SLC24A2: variants seen among roughly 807,000 people sequenced by gnomAD.
The protein encoded by SLC24A2 is sodium/potassium/calcium exchanger 2.
SLC24A2 carries 36 observed loss-of-function variants against 62.0 expected under a neutral mutation model. That is an observed-to-expected ratio of 0.58 (90% confidence interval 0.44 to 0.77). The LOEUF (loss-of-function observed/expected upper bound fraction) is 0.77. Ranked by LOEUF, SLC24A2 falls within the 30% of genes least tolerant of loss-of-function variation. The probability of loss-of-function intolerance (pLI) is 0.00; values close to 1 mark genes in which losing one functional copy is unlikely to be tolerated. For synonymous variants in SLC24A2, 358 were observed against 294.0 expected (o/e 1.22, Z -2.23); for missense variants, 846 against 817.9 (o/e 1.03, Z -0.42).
the SLC24A2 span, among the ~76,000 whole-genome samples, chr9:20,158,172 A>C: frequency 2.0e-5 from 3 of 151,700 alleles, no homozygotes; most frequent in Admixed American, 6.6e-5. Context: ...GCCTGAACTC[A>C]GGAAAGAAAC....
chr9:20,040,770 G>C, the SLC24A2 span, among the ~76,000 whole-genome samples: 1 of 152,176 alleles, frequency 6.6e-6, no homozygotes, highest in African/African-American at 2.4e-5. Flanking sequence ...AGCTAACCCA[G>C]GGAAGGGAAA....
chr9:20,097,633 T>A, the SLC24A2 span, among the ~76,000 whole-genome samples: 582 of 151,562 alleles, frequency 3.8e-3, 5 homozygotes, highest in African/African-American at 0.013. Context: ...TGATTCTCCC[T>A]TTAAGGTCAC....
the SLC24A2 span, among the ~76,000 whole-genome samples, chr9:19,947,368 AGAAG>A: frequency 6.7e-3 from 1,005 of 150,706 alleles, 6 homozygotes; most frequent in African/African-American, 0.021. Flanking sequence ...AAGGAAGGAA[AGAAG>A]GAAGGAAGGA....
chr9:20,176,438 T>C, the SLC24A2 span, among the ~76,000 whole-genome samples: 32,422 of 151,958 alleles, frequency 0.21, 4,961 homozygotes, highest in East Asian at 0.73. Context: ...ATTTCCAGTA[T>C]AAAAAGAGAA....
At chr9:20,283,972 C>G in the SLC24A2 span, among the ~76,000 whole-genome samples, 317 of 152,232 alleles carry the variant, frequency 2.1e-3, 2 homozygotes, top group African/African-American at 7.2e-3. Context: ...TCTTAACATG[C>G]GTGCCCAAAA....
the SLC24A2 span, among the ~76,000 whole-genome samples, chr9:20,210,157 G>A: frequency 6.6e-6 from 1 of 152,198 alleles, no homozygotes. Context: ...GGCTTTAAAA[G>A]GGATAAAAGA....
the SLC24A2 span, among the ~76,000 whole-genome samples, chr9:20,047,654 G>A: frequency 2.1e-5 from 3 of 143,750 alleles, no homozygotes; most frequent in Non-Finnish European, 3.1e-5. Flanking sequence ...ATGGAGGGCC[G>A]CCTTCTCATT....
the SLC24A2 span, among the ~76,000 whole-genome samples, chr9:20,030,033 T>C: frequency 2.6e-5 from 4 of 151,720 alleles, no homozygotes; most frequent in Non-Finnish European, 5.9e-5. Context: ...TTTGATGGAG[T>C]AGAAAAGTTT....
chr9:19,764,057 A>G (rs1052801005), intron 2 of SLC24A2, among the ~76,000 whole-genome samples: 1 of 152,208 alleles, frequency 6.6e-6, no homozygotes, highest in Non-Finnish European at 1.5e-5. Context: ...ATATGTGTCC[A>G]GGAATTTATC....
the SLC24A2 span, among the ~76,000 whole-genome samples, chr9:20,224,265 G>A: frequency 6.6e-6 from 1 of 151,556 alleles, no homozygotes; most frequent in Non-Finnish European, 1.5e-5. Context: ...AAGGTAGAAT[G>A]TCTTTATGTC....
chr9:20,261,819 A>C, the SLC24A2 span, among the ~76,000 whole-genome samples: 1 of 131,636 alleles, frequency 7.6e-6, no homozygotes, highest in Non-Finnish European at 1.5e-5. Context: ...GGCTCACTGC[A>C]AGCTCTGCCT....
chr9:19,894,595 C>G, the SLC24A2 span, among the ~76,000 whole-genome samples: 1 of 152,222 alleles, frequency 6.6e-6, no homozygotes, highest in Middle Eastern at 3.4e-3. Context: ...GGAGAGCCAA[C>G]AACTTTCCTA....
the SLC24A2 span, among the ~76,000 whole-genome samples, chr9:20,131,870 G>C: frequency 6.6e-6 from 1 of 152,110 alleles, no homozygotes; most frequent in African/African-American, 2.4e-5. Flanking sequence ...TTTATGGCCA[G>C]GTTAATCTGA....
chr9:20,102,115 G>C, the SLC24A2 span, among the ~76,000 whole-genome samples: 10 of 152,172 alleles, frequency 6.6e-5, no homozygotes, highest in South Asian at 2.1e-4. Context: ...GGCCAGATCA[G>C]AGTCCCTAGT....
the SLC24A2 span, among the ~76,000 whole-genome samples, chr9:19,895,363 G>A: frequency 6.6e-6 from 1 of 151,796 alleles, no homozygotes; most frequent in African/African-American, 2.4e-5. Flanking sequence ...GCACACCGGA[G>A]AGCCCAAAGC....
intron 2 of SLC24A2, among the ~76,000 whole-genome samples, chr9:19,681,237 T>G (rs1819713772): frequency 6.6e-6 from 1 of 152,016 alleles, no homozygotes; most frequent in Admixed American, 6.6e-5. Context: ...TGCAATGCTG[T>G]TTACACTAGC....
the SLC24A2 span, among the ~76,000 whole-genome samples, chr9:19,877,099 C>A: frequency 6.6e-6 from 1 of 151,636 alleles, no homozygotes; most frequent in Non-Finnish European, 1.5e-5. Flanking sequence ...GATTATTACG[C>A]CATTGTCTGA....
the SLC24A2 span, among the ~76,000 whole-genome samples, chr9:19,830,770 A>G: frequency 6.6e-6 from 1 of 152,144 alleles, no homozygotes; most frequent in Non-Finnish European, 1.5e-5. Flanking sequence ...TGAGCCAAAG[A>G]GCCAAGCAGA....
the SLC24A2 span, among the ~76,000 whole-genome samples, chr9:19,947,334 G>A: frequency 6.6e-6 from 1 of 151,532 alleles, no homozygotes; most frequent in Non-Finnish European, 1.5e-5. Context: ...AAAGTAGGCT[G>A]CACTGTGGCT....
Sources: gnomAD v4.1 joint callset for allele counts (sites outside exome capture counted in the v4.1 genomes callset) on GRCh38, gnomAD v4.1.1 for gene constraint, MANE v1.5 for transcripts, NCBI Gene and HGNC (gene_info 2026-07-23, HGNC 2026-07-21) for gene names.